The following TMED3 variants were observed in gnomAD, a reference collection of about 807,000 sequenced individuals.
The protein encoded by TMED3 is transmembrane emp24 domain-containing protein 3.
TMED3 carries 9 observed loss-of-function variants against 15.0 expected under a neutral mutation model. The observed-to-expected ratio is 0.60, with a 90% confidence interval of 0.36 to 1.04. The LOEUF (loss-of-function observed/expected upper bound fraction) is 1.04, where lower values mean the gene tolerates loss of function less well. Ranked by LOEUF, TMED3 falls within the 50% of genes least tolerant of loss-of-function variation. The pLI, the probability that TMED3 is intolerant of heterozygous loss-of-function variation, is 0.01. For missense variants in TMED3, 267 were observed against 278.9 expected, an observed-to-expected ratio of 0.96 and a Z score of 0.30; for synonymous variants, 117 against 121.4, an observed-to-expected ratio of 0.96 and a Z score of 0.24.
At chr15:79,351,301 C>T (rs1386370092) in intron 2 of TMED3, among the ~76,000 whole-genome samples, 1 of 152,204 alleles carries the variant, frequency 6.6e-6, no homozygotes, top group Non-Finnish European at 1.5e-5. Context: ...TTCCAAGAGT[C>T]TACGGCTCTG....
chr15:79,400,468 C>T (rs28578648), intron 2 of TMED3, among the ~76,000 whole-genome samples: 79,551 of 152,076 alleles, frequency 0.52, 21,283 homozygotes, highest in East Asian at 0.76. Context: ...CGAACATTGA[C>T]GGCTTAGCAC....
chr15:79,409,599 T>C (rs958351070), intron 2 of TMED3, among the ~76,000 whole-genome samples: 4 of 152,256 alleles, frequency 2.6e-5, no homozygotes, highest in Admixed American at 6.5e-5. Context: ...AGATTTCTTA[T>C]ACATCTCTTT....
chr15:79,319,984 G>A (rs141222123), intron 2 of TMED3, among the ~76,000 whole-genome samples: 42,195 of 152,014 alleles, frequency 0.28, 6,867 homozygotes, highest in Middle Eastern at 0.41. Context: ...GGATAACTGC[G>A]GGTGGGCCTG....
At chr15:79,360,361 G>A (rs1567032400) in intron 2 of TMED3, among the ~76,000 whole-genome samples, 2 of 152,182 alleles carry the variant, frequency 1.3e-5, no homozygotes, top group South Asian at 2.1e-4. Flanking sequence ...TCATGCCATC[G>A]AGGAACCAGG....
chr15:79,338,210 A>G (rs532070985), intron 2 of TMED3, among the ~76,000 whole-genome samples: 1 of 152,336 alleles, frequency 6.6e-6, no homozygotes, highest in South Asian at 2.1e-4. Flanking sequence ...AGAAATTGGG[A>G]TGGGGTACAA....
At chr15:79,357,017 T>C (rs186581794) in intron 2 of TMED3, among the ~76,000 whole-genome samples, 290 of 133,440 alleles carry the variant, frequency 2.2e-3, no homozygotes, top group African/African-American at 7.8e-3. Context: ...TATGAACCCA[T>C]TTAAAATAAA....
At chr15:79,385,551 C>A (rs1282570904) in intron 2 of TMED3, among the ~76,000 whole-genome samples, 1 of 152,176 alleles carries the variant, frequency 6.6e-6, no homozygotes, top group African/African-American at 2.4e-5. Context: ...AGGAGCAGGA[C>A]TCCTGCTTGT....
At chr15:79,380,753 C>G (rs1032725451) in intron 2 of TMED3, among the ~76,000 whole-genome samples, 5 of 152,004 alleles carry the variant, frequency 3.3e-5, no homozygotes, top group Admixed American at 2.0e-4. Flanking sequence ...TCAGAACACT[C>G]TAGCACAGGC....
chr15:79,345,385 T>C lies in TMED3; in HGVS notation c.417+31380T>C, dbSNP rs1448935635. Among the ~76,000 whole-genome samples the C allele has an allele frequency of 3.3e-5, 5 of 152,218 alleles. No individual in the cohort carries two copies. The East Asian group carries it at 9.6e-4, about 29-fold the overall frequency. The stretch of plus-strand genomic sequence containing the variant: ...TCATCATTTAGCTCTCACTTATAAG[T>C]GAGAACATGCAGTATTTGGTTTTCT... On this transcript the variant is annotated intron_variant, in intron 2 of 2. Coordinates refer to the TMED3 transcript ENST00000424155.
intron 2 of TMED3, among the ~76,000 whole-genome samples, chr15:79,332,962 G>A (rs1369530631): frequency 6.6e-6 from 1 of 152,240 alleles, no homozygotes; most frequent in African/African-American, 2.4e-5. Context: ...AGTCTGTGCA[G>A]GAATGAATGG....
At chr15:79,344,183 C>T (rs1004509397) in intron 2 of TMED3, among the ~76,000 whole-genome samples, 6 of 152,154 alleles carry the variant, frequency 3.9e-5, no homozygotes, top group African/African-American at 7.2e-5. Flanking sequence ...ACAGAAGGAA[C>T]CCCCCAGAGT....
At chr15:79,406,293 A>G (rs1199053023) in intron 2 of TMED3, among the ~76,000 whole-genome samples, 4 of 152,166 alleles carry the variant, frequency 2.6e-5, no homozygotes, top group Admixed American at 2.6e-4. Flanking sequence ...CCCTTTCTCC[A>G]TAGACCCGGA....
intron 2 of TMED3, among the ~76,000 whole-genome samples, chr15:79,353,033 A>T (rs1262269833): frequency 9.9e-6 from 1 of 101,070 alleles, no homozygotes; most frequent in African/African-American, 4.3e-5. Context: ...TATATATTTT[A>T]TATATATTAT....
intron 2 of TMED3, among the ~76,000 whole-genome samples, chr15:79,392,702 C>T (rs1217677632): frequency 2.0e-5 from 3 of 152,108 alleles, no homozygotes; most frequent in Non-Finnish European, 4.4e-5. Context: ...TGATAATGTG[C>T]TTAGTTAATT....
intron 2 of TMED3, among the ~76,000 whole-genome samples, chr15:79,351,927 C>T (rs12911310): frequency 0.094 from 14,244 of 152,064 alleles, 712 homozygotes; most frequent in Admixed American, 0.12. Flanking sequence ...GTAACGTGGA[C>T]TGAATTGGAG....
chr15:79,366,862 C>A (rs1893247042), intron 2 of TMED3, among the ~76,000 whole-genome samples: 1 of 152,034 alleles, frequency 6.6e-6, no homozygotes. Flanking sequence ...ATTCCAGCAG[C>A]CCTTTGTGTA....
chr15:79,314,641 G>A (rs1422665030), intron 2 of TMED3: 2 of 435,064 alleles, frequency 4.6e-6, no homozygotes, highest in East Asian at 1.4e-4. Context: ...CGTATCACCT[G>A]CTCATGTCCC....
At position 79,322,065 on chromosome 15, in the gene TMED3, C is replaced by T. The variant is rs754708207; in HGVS notation, c.505C>T (p.Arg169Trp). Residue 169 changes from arginine (R) to tryptophan (W), a missense_variant, in exon 3 of 3, where the codon CGG (arginine) becomes TGG (tryptophan). By Grantham distance (101) the Arg-to-Trp change is moderately radical (BLOSUM62 -3). Transcript: ENST00000299705. ...TTACCGGCTGCGGGAGGCCCAGGAC[C>T]GGGCCCGAGCAGAAGACCTTAATAG... ...THYRLREAQD[R>W]ARAEDLNSRV... 33 of 1,614,070 alleles carry T rather than the reference C, an allele frequency of 2.0e-5. No homozygotes were observed. The highest frequency in any genetic ancestry group is 5.5e-5 in the South Asian group (5 of 91,084).
intron 2 of TMED3, among the ~76,000 whole-genome samples, chr15:79,367,052 T>C (rs1443756376): frequency 6.6e-6 from 1 of 152,220 alleles, no homozygotes; most frequent in Non-Finnish European, 1.5e-5. Flanking sequence ...GAGCTGATTA[T>C]AAACCAAGTT....
Sources: gnomAD v4.1 joint callset for allele counts (sites outside exome capture counted in the v4.1 genomes callset) on GRCh38, gnomAD v4.1.1 for gene constraint, MANE v1.5 for transcripts, NCBI Gene and HGNC (gene_info 2026-07-23, HGNC 2026-07-21) for gene names.